Variants in GNAT2 observed in about 807,000 individuals in gnomAD.
GNAT2 encodes guanine nucleotide-binding protein G(t) subunit alpha-2.
GNAT2 carries 32 observed loss-of-function variants against 40.9 expected under a neutral mutation model. The ratio of observed to expected loss-of-function variants is 0.78; its 90% CI spans 0.59 to 1.05. GNAT2 has a LOEUF of 1.05. Ranked by LOEUF, GNAT2 falls within the 50% of genes least tolerant of loss-of-function variation. The pLI is 0.00. For missense variants in GNAT2, 355 were observed against 431.5 expected, an observed-to-expected ratio of 0.82 and a Z score of 1.57; for synonymous variants, 141 against 157.2, an observed-to-expected ratio of 0.90 and a Z score of 0.77.
At chr1:109,609,896 TA>T in intron 4 of GNAT2, 143 bp downstream of exon 4, 1 of 811,832 alleles carries the variant, frequency 1.2e-6, no homozygotes, top group Non-Finnish European at 2.1e-6. Context: ...ACAGTACACC[TA>T]GCAGTGAGAT....
At chr1:109,610,803 G>GT (rs1294279981) in intron 2 of GNAT2, 2 of 490,270 alleles carry the variant, frequency 4.1e-6, no homozygotes, top group Non-Finnish European at 7.5e-6. Flanking sequence ...CACTTCCCTA[G>GT]TTATGACAAC....
intron 1 of GNAT2, chr1:109,615,063 C>T (rs1649911772): frequency 6.6e-6 from 1 of 152,166 alleles, no homozygotes; most frequent in African/African-American, 2.4e-5. Context: ...AAGGGGCTGC[C>T]TGGAACTATT....
At position 109,610,041 on chromosome 1, in the gene GNAT2, G is replaced by A. The variant is rs146695290; in HGVS notation, c.302C>T (p.Ala101Val). 1.3e-5 allele frequency: 21 copies of A among 1,613,606 alleles called. No homozygotes were observed. Among genetic ancestry groups the A allele is most frequent in the Middle Eastern group, 1.7e-4 (1 of 6,054 alleles). ...AACCACATAATAGTAATCACATACC[G>A]CACAGCTTGGTTCAGCATAATCGAT... ...LGIDYAEPSCADDGRQLNNLA... is the reference protein window; with the variant it reads ...LGIDYAEPSCVDDGRQLNNLA... The change falls in exon 4 of 9, where the codon GCG becomes GTG. Residue 101 changes from alanine to valine, a missense_variant and splice_region_variant. Transcript: ENST00000679935.
At chr1:109,617,713 T>A (rs539321193) in intron 1 of GNAT2, 1 of 152,384 alleles carries the variant, frequency 6.6e-6, no homozygotes, top group African/African-American at 2.4e-5. Context: ...CTGGTTTGCC[T>A]GGGCTGGGTG....
chr1:109,607,394 T>A (rs922372010), intron 5 of GNAT2: 13 of 147,318 alleles, frequency 8.8e-5, no homozygotes, highest in African/African-American at 3.3e-4. Context: ...AAGCTGGCAG[T>A]GAGCCGAGAT....
At chr1:109,607,355 G>A (rs934861013) in intron 5 of GNAT2, 4 of 151,762 alleles carry the variant, frequency 2.6e-5, no homozygotes, top group African/African-American at 7.3e-5. Flanking sequence ...GGAGGCTGAG[G>A]CAGGAGAATG....
At chr1:109,604,178 C>G in intron 7 of GNAT2, 74 bp from the exon 8 acceptor site, 1 of 1,186,704 alleles carries the variant, frequency 8.4e-7, no homozygotes, top group Middle Eastern at 2.3e-4. Context: ...GCTCTTGTTC[C>G]CCTTGGAGAG....
intron 4 of GNAT2, chr1:109,609,587 A>G: frequency 3.6e-6 from 1 of 277,040 alleles, no homozygotes; most frequent in Non-Finnish European, 7.0e-6. Flanking sequence ...AGCCATGATC[A>G]CACCACTGCA....
At chr1:109,609,658 A>G (rs1315999409) in intron 4 of GNAT2, 9 of 325,252 alleles carry the variant, frequency 2.8e-5, no homozygotes, top group East Asian at 8.1e-5. Context: ...GATGTTGCTT[A>G]CTTCTCCAGG....
rs891759019 is a variant in GNAT2, at chr1:109,608,520, C to T, written c.461+111G>A. 6 of 998,050 alleles carry T rather than the reference C, an allele frequency of 6.0e-6. No homozygotes were observed. The Admixed American group carries it at 8.5e-5, about 14-fold the overall frequency. The allele number at this position is 998,050 out of a possible 1,614,324, so 61.8% of individuals were successfully genotyped here. ...ACAGGCTGAATTCAGTCTGGGTCTC[C>T]AGCTTTCAATGCCTGAAATTTTGGG... On this transcript the variant is annotated intron_variant, in intron 5 of 8. Coordinates refer to ENST00000679935, the MANE Select transcript of GNAT2 (RefSeq NM_001377295.2).
rs1165674925 is a variant in GNAT2 at position 109,603,993 on chromosome 1, T to C, written c.832A>G (p.Ile278Val). 5.0e-6 allele frequency: 8 copies of C among 1,611,076 alleles called. No homozygotes were observed. Among genetic ancestry groups the C allele is most frequent in the East Asian group, 4.5e-5 (2 of 44,852 alleles). The change falls in exon 8 of 9, where the codon ATC (isoleucine) becomes GTC (valine). Residue 278 changes from isoleucine to valine, a missense_variant. Ile to Val is a conservative substitution (Grantham distance 29, BLOSUM62 3). Coordinates refer to ENST00000679935, the MANE Select transcript of GNAT2 (RefSeq NM_001377295.2). ...CAAATGCTGAGATGGACTTTCTTGATTTTTTCCTCAAAGAGGTCCTTCTTG... is the reference window on the plus strand; with the variant it reads ...CAAATGCTGAGATGGACTTTCTTGACTTTTTCCTCAAAGAGGTCCTTCTTG... ...LNKKDLFEEK[I>V]KKVHLSICFP...
At chr1:109,607,012 G>C (rs1649617839) in intron 5 of GNAT2, 1 of 158,092 alleles carries the variant, frequency 6.3e-6, no homozygotes, top group Non-Finnish European at 1.4e-5. Flanking sequence ...CCTGGAATTT[G>C]CTTCAAAATA....
chr1:109,609,879 G>A (rs1397538507), intron 4 of GNAT2, 161 bp downstream of exon 4: 5 of 753,280 alleles, frequency 6.6e-6, no homozygotes, highest in South Asian at 1.4e-5. Context: ...GCCTTGAGAT[G>A]GTATACACAG....
intron 7 of GNAT2, chr1:109,605,332 C>G (rs1649559278): frequency 6.4e-6 from 1 of 155,324 alleles, no homozygotes; most frequent in African/African-American, 2.4e-5. Context: ...TTTCTCACCT[C>G]TAACCTTTCC....
intron 2 of GNAT2, chr1:109,611,337 CCTGA>C (rs1299143750): frequency 6.6e-6 from 1 of 152,166 alleles, no homozygotes; most frequent in Non-Finnish European, 1.5e-5. Context: ...TGCCACCATG[CCTGA>C]CTAATTTTTG....
intron 5 of GNAT2, chr1:109,608,346 C>T: frequency 2.1e-6 from 1 of 475,586 alleles, no homozygotes; most frequent in South Asian, 2.0e-5. Context: ...CTGAGGGCTA[C>T]TAGGCAGAAC....
intron 8 of GNAT2, 140 bp from the exon 9 acceptor site, chr1:109,603,684 C>T (rs1649504808): frequency 2.8e-6 from 2 of 709,612 alleles, no homozygotes; most frequent in Non-Finnish European, 5.1e-6. Context: ...GGAAGATTCT[C>T]TATTGCACTC....
chr1:109,614,459 T>C (rs1028130779), intron 1 of GNAT2: 3 of 152,218 alleles, frequency 2.0e-5, no homozygotes, highest in African/African-American at 7.2e-5. Flanking sequence ...CAGGTAGTTA[T>C]CACATCTGTG....
chr1:109,609,650 T>C, intron 4 of GNAT2: 1 of 322,960 alleles, frequency 3.1e-6, no homozygotes, highest in Admixed American at 4.4e-5. Flanking sequence ...TAAGGGTGGA[T>C]GTTGCTTACT....
Sources: gnomAD v4.1 joint callset for allele counts on GRCh38, gnomAD v4.1.1 for gene constraint, MANE v1.5 for transcripts, NCBI Gene and HGNC (gene_info 2026-07-23, HGNC 2026-07-21) for gene names.